Variants in ARHGEF7 observed in about 807,000 individuals in gnomAD.
ARHGEF7 encodes the protein PAK-interacting exchange factor beta.
A neutral mutation model predicts 109.8 loss-of-function variants in ARHGEF7; 33 were observed. The ratio of observed to expected loss-of-function variants is 0.30; its 90% CI spans 0.23 to 0.40. ARHGEF7 has a LOEUF of 0.40. Ranked by LOEUF, ARHGEF7 falls within the 10% of genes least tolerant of loss-of-function variation. ARHGEF7 has a pLI of 1.00. For synonymous variants in ARHGEF7, 458 were observed against 424.6 expected, an observed-to-expected ratio of 1.08 and a Z score of -0.97; for missense variants, 938 against 1,098.5, an observed-to-expected ratio of 0.85 and a Z score of 2.07.
In ARHGEF7 at chr13:111,174,025, C is replaced by T. The variant is rs1381190982; in HGVS notation, c.252+20034C>T. Among the ~76,000 whole-genome samples the T allele has an allele frequency of 2.6e-5, 4 of 152,300 alleles. No individual in the cohort carries two copies. In the East Asian group the frequency reaches 5.8e-4, roughly 22 times the overall value. Reference sequence around the variant, plus strand: ...AATAATTCATAAGGTAGATTTCCCTCCTTTGTCTGGCACCCAGCCCTCCCC... The same window carrying T: ...AATAATTCATAAGGTAGATTTCCCTTCTTTGTCTGGCACCCAGCCCTCCCC... On this transcript the variant is annotated intron_variant, in intron 2 of 21. Transcript: ENST00000646102.
chr13:111,160,883 T>G (rs2076690112), intron 2 of ARHGEF7, among the ~76,000 whole-genome samples: 1 of 152,256 alleles, frequency 6.6e-6, no homozygotes, highest in Non-Finnish European at 1.5e-5. Flanking sequence ...ACCAGCCATG[T>G]GGAACTGTGA....
chr13:111,203,684 C>T (rs528054464), intron 2 of ARHGEF7, among the ~76,000 whole-genome samples: 7 of 152,262 alleles, frequency 4.6e-5, no homozygotes, highest in Non-Finnish European at 8.8e-5. Context: ...GGGTTTTTCT[C>T]TTGAGGTAGT....
At chr13:111,186,686 A>C in intron 2 of ARHGEF7, 1 of 368,270 alleles carries the variant, frequency 2.7e-6, no homozygotes, top group Non-Finnish European at 3.8e-6. Context: ...TTTGCAAACC[A>C]CACTCCAGAG....
intron 5 of ARHGEF7, among the ~76,000 whole-genome samples, chr13:111,232,482 A>G (rs1052171135): frequency 6.6e-6 from 1 of 152,202 alleles, no homozygotes; most frequent in Non-Finnish European, 1.5e-5. Flanking sequence ...GATGACGGGC[A>G]TGCATGGTGC....
At chr13:111,232,083 C>T (rs977134463) in intron 5 of ARHGEF7, among the ~76,000 whole-genome samples, 1 of 151,970 alleles carries the variant, frequency 6.6e-6, no homozygotes, top group Non-Finnish European at 1.5e-5. Flanking sequence ...GACCTATCTG[C>T]CCACCCCCTA....
At chr13:111,263,587 T>A (rs985909356) in intron 8 of ARHGEF7, among the ~76,000 whole-genome samples, 1 of 152,218 alleles carries the variant, frequency 6.6e-6, no homozygotes, top group East Asian at 1.9e-4. Flanking sequence ...GTAGCACATA[T>A]CCAATAACTT....
At chr13:111,269,913 T>C (rs2091999219) in intron 9 of ARHGEF7, among the ~76,000 whole-genome samples, 1 of 152,244 alleles carries the variant, frequency 6.6e-6, no homozygotes, top group South Asian at 2.1e-4. Flanking sequence ...AGCTTTTCCA[T>C]GTGTGTGACG....
At chr13:111,284,074 TGA>T (rs1269816299) in intron 16 of ARHGEF7, among the ~76,000 whole-genome samples, 1 of 152,034 alleles carries the variant, frequency 6.6e-6, no homozygotes, top group African/African-American at 2.4e-5. Flanking sequence ...ATAATTGAGA[TGA>T]GAGTTGTTTT....
rs2093631085 is a variant in ARHGEF7, at chr13:111,305,285, A to C, written c.*2172A>C. The C allele has an allele frequency of 6.6e-6, 1 of 152,200 alleles. No homozygotes were observed. Among genetic ancestry groups the C allele is most frequent in the Non-Finnish European group, 1.5e-5 (1 of 68,052 alleles). The allele number at this position is 152,200 out of a possible 1,614,324, so 9.4% of individuals were successfully genotyped here. A position where few individuals can be genotyped will look rare whatever the true frequency, so the allele number is the denominator to read the frequency against. On this transcript the variant is annotated 3_prime_UTR_variant, in exon 22 of 22. Coordinates refer to ENST00000646102, the MANE Select transcript of ARHGEF7 (RefSeq NM_001354046.2). Reference sequence around the variant, plus strand: ...TTTTTAAAAACCTGCCCTGTTGTATATAACTGTGTCTGTTTCACCGTGTGA... The same window carrying C: ...TTTTTAAAAACCTGCCCTGTTGTATCTAACTGTGTCTGTTTCACCGTGTGA...
At chr13:111,118,186 A>G (rs1197263687) in intron 1 of ARHGEF7, among the ~76,000 whole-genome samples, 2 of 152,212 alleles carry the variant, frequency 1.3e-5, no homozygotes, top group Non-Finnish European at 2.9e-5. Context: ...CGGGCTTCCC[A>G]TATGTCTTTT....
intron 6 of ARHGEF7, among the ~76,000 whole-genome samples, chr13:111,233,924 A>G (rs2086442114): frequency 6.6e-6 from 1 of 152,202 alleles, no homozygotes; most frequent in East Asian, 1.9e-4. Context: ...CCTTCTTTGT[A>G]CCTAAGCTTA....
intron 13 of ARHGEF7, among the ~76,000 whole-genome samples, chr13:111,279,925 A>T (rs1047556725): frequency 3.9e-5 from 6 of 152,224 alleles, no homozygotes; most frequent in African/African-American, 1.4e-4. Context: ...AACATCATTT[A>T]AAACAACTGT....
intron 1 of ARHGEF7, among the ~76,000 whole-genome samples, chr13:111,134,150 C>T (rs1594906756): frequency 6.6e-6 from 1 of 152,158 alleles, no homozygotes; most frequent in African/African-American, 2.4e-5. Flanking sequence ...GCATAGTATT[C>T]CATGGTGTAT....
At chr13:111,204,958 C>T (rs1382628137) in intron 2 of ARHGEF7, among the ~76,000 whole-genome samples, 1 of 148,898 alleles carries the variant, frequency 6.7e-6, no homozygotes, top group Non-Finnish European at 1.5e-5. Flanking sequence ...GAGGATTGCG[C>T]AAGCACCGTG....
intron 8 of ARHGEF7, chr13:111,265,852 T>G (rs2091585542): frequency 2.4e-6 from 1 of 411,262 alleles, no homozygotes; most frequent in Non-Finnish European, 4.9e-6. Context: ...TGCCTTGATC[T>G]TAGGCTTCCA....
At chr13:111,153,205 G>A (rs893053377) in intron 1 of ARHGEF7, among the ~76,000 whole-genome samples, 1 of 152,266 alleles carries the variant, frequency 6.6e-6, no homozygotes, top group Non-Finnish European at 1.5e-5. Flanking sequence ...AAAAATCCCA[G>A]GTTCTCTCCC....
intron 2 of ARHGEF7, among the ~76,000 whole-genome samples, chr13:111,203,662 T>A (rs118016240): frequency 6.6e-6 from 1 of 152,362 alleles, no homozygotes; most frequent in Admixed American, 6.5e-5. Context: ...TTGACTCTTT[T>A]AGTGATTTGG....
intron 1 of ARHGEF7, among the ~76,000 whole-genome samples, chr13:111,136,582 C>T (rs1207362814): frequency 1.3e-5 from 2 of 152,146 alleles, no homozygotes; most frequent in East Asian, 3.9e-4. Context: ...ATCTCTGGGA[C>T]ACATTTAAAG....
At chr13:111,249,511 T>A (rs2089436983) in intron 8 of ARHGEF7, among the ~76,000 whole-genome samples, 3 of 151,934 alleles carry the variant, frequency 2.0e-5, no homozygotes, top group Non-Finnish European at 4.4e-5. Flanking sequence ...GAGCCTCCGA[T>A]TGGCCTCAGT....
Sources: allele counts gnomAD v4.1 joint callset (sites outside exome capture counted in the v4.1 genomes callset), GRCh38; gene constraint gnomAD v4.1.1; transcripts MANE v1.5; gene names NCBI Gene and HGNC (gene_info 2026-07-23, HGNC 2026-07-21).